Variants in C2orf76 observed in about 807,000 individuals in gnomAD.
C2orf76 encodes chromosome 2 open reading frame 76.
A neutral mutation model predicts 16.9 loss-of-function variants in C2orf76; 23 were observed. The ratio of observed to expected loss-of-function variants is 1.36; its 90% CI spans 0.98 to 1.93. The LOEUF (loss-of-function observed/expected upper bound fraction) is 1.93. Ranked by LOEUF, C2orf76 falls within the 30% of genes most tolerant of loss-of-function variation. C2orf76 has a pLI of 0.00. For synonymous variants in C2orf76, 48 were observed against 52.3 expected, an observed-to-expected ratio of 0.92 and a Z score of 0.35; for missense variants, 152 against 152.6, an observed-to-expected ratio of 1.00 and a Z score of 0.02.
chr2:119,348,885 G>A (rs1680293338), intron 1 of C2orf76, among the ~76,000 whole-genome samples: 1 of 152,124 alleles, frequency 6.6e-6, no homozygotes. Context: ...TAGTTGCGGG[G>A]CTGAGGTGGG....
intron 2 of C2orf76, among the ~76,000 whole-genome samples, chr2:119,333,009 G>A (rs72829491): frequency 0.019 from 2,864 of 152,202 alleles, 36 homozygotes; most frequent in South Asian, 0.054. Context: ...CTGGGATTAC[G>A]GTGTGAGCCA....
intron 1 of C2orf76, among the ~76,000 whole-genome samples, chr2:119,361,212 T>C (rs1362625553): frequency 6.6e-6 from 1 of 152,262 alleles, no homozygotes; most frequent in Non-Finnish European, 1.5e-5. Context: ...CAAAATGGGT[T>C]TCGTGGGTTT....
chr2:119,358,393 A>G (rs1385690311), intron 1 of C2orf76, among the ~76,000 whole-genome samples: 2 of 152,072 alleles, frequency 1.3e-5, no homozygotes, highest in African/African-American at 4.8e-5. Context: ...CCTGACCAAC[A>G]TGGAGGAACC....
intron 5 of C2orf76, among the ~76,000 whole-genome samples, chr2:119,306,848 C>T (rs1053136594): frequency 2.0e-5 from 3 of 152,078 alleles, no homozygotes; most frequent in Non-Finnish European, 4.4e-5. Flanking sequence ...AGATAAAAAG[C>T]CAAAGGATGA....
chr2:119,287,388 CTCACCA>C, the C2orf76 span, among the ~76,000 whole-genome samples: 2 of 152,210 alleles, frequency 1.3e-5, no homozygotes, highest in Non-Finnish European at 2.9e-5. Flanking sequence ...TCCCCACCAG[CTCACCA>C]TCACAGGTTC....
downstream of C2orf76, among the ~76,000 whole-genome samples, chr2:119,301,879 A>C (rs1408222074): frequency 1.3e-5 from 2 of 152,052 alleles, no homozygotes; most frequent in Non-Finnish European, 2.9e-5. Context: ...AAAAGAAAAA[A>C]AAAAATCAGC....
At chr2:119,363,362 T>C (rs930818409) in intron 1 of C2orf76, among the ~76,000 whole-genome samples, 2 of 149,126 alleles carry the variant, frequency 1.3e-5, no homozygotes, top group Admixed American at 6.7e-5. Context: ...AGGCGGAGCT[T>C]GCAGTGAGCC....
intron 4 of C2orf76, among the ~76,000 whole-genome samples, chr2:119,312,207 T>C (rs1009516366): frequency 8.5e-5 from 13 of 152,156 alleles, no homozygotes; most frequent in African/African-American, 2.2e-4. Flanking sequence ...AGCTTCCAGC[T>C]CTGGCCAGTC....
chr2:119,316,832 C>T (rs1428201504), intron 4 of C2orf76, among the ~76,000 whole-genome samples: 1 of 152,144 alleles, frequency 6.6e-6, no homozygotes, highest in Non-Finnish European at 1.5e-5. Flanking sequence ...GATCACTCTG[C>T]TCTGTCTGTA....
chr2:119,281,521 A>AAG, the C2orf76 span, among the ~76,000 whole-genome samples: 8 of 150,342 alleles, frequency 5.3e-5, no homozygotes, highest in Non-Finnish European at 8.8e-5. Flanking sequence ...AGAAAATAAA[A>AAG]AGAGAGAGAG....
chr2:119,337,210 A>G (rs1679877252), intron 2 of C2orf76, among the ~76,000 whole-genome samples: 1 of 148,606 alleles, frequency 6.7e-6, no homozygotes, highest in African/African-American at 2.5e-5. Context: ...GTATGCCACC[A>G]TGCCCAGCTA....
intron 1 of C2orf76, among the ~76,000 whole-genome samples, chr2:119,345,119 C>T (rs1189003898): frequency 6.6e-6 from 1 of 152,050 alleles, no homozygotes; most frequent in Non-Finnish European, 1.5e-5. Context: ...TAAGCAAAGA[C>T]AAAGCAGCAA....
chr2:119,289,817 C>T, the C2orf76 span, among the ~76,000 whole-genome samples: 5,578 of 152,030 alleles, frequency 0.037, 305 homozygotes, highest in African/African-American at 0.13. Flanking sequence ...GTAGCCCCAA[C>T]TCAGCCCTCT....
chr2:119,300,480 A>G (rs1678600438), downstream of C2orf76, among the ~76,000 whole-genome samples: 1 of 152,168 alleles, frequency 6.6e-6, no homozygotes, highest in Non-Finnish European at 1.5e-5. Flanking sequence ...ACTCCTTAGC[A>G]TGACTTGTAA....
intron 2 of C2orf76, among the ~76,000 whole-genome samples, chr2:119,334,895 A>G (rs893519622): frequency 6.6e-6 from 1 of 152,170 alleles, no homozygotes; most frequent in African/African-American, 2.4e-5. Flanking sequence ...TGGCGAAAGG[A>G]CACAAAAGGA....
chr2:119,312,529 C>T (rs1394384734), intron 4 of C2orf76, among the ~76,000 whole-genome samples: 1 of 152,148 alleles, frequency 6.6e-6, no homozygotes, highest in Non-Finnish European at 1.5e-5. Context: ...GTATTACAGG[C>T]ATGAGCCACC....
At chr2:119,350,003 A>G (rs1680332514) in intron 1 of C2orf76, among the ~76,000 whole-genome samples, 1 of 147,606 alleles carries the variant, frequency 6.8e-6, no homozygotes, top group Non-Finnish European at 1.5e-5. Flanking sequence ...GGCTCAAGCA[A>G]TCCTCCTGCA....
chr2:119,326,538 G>A (rs1032297475), intron 2 of C2orf76, among the ~76,000 whole-genome samples: 2 of 151,938 alleles, frequency 1.3e-5, no homozygotes, highest in African/African-American at 4.8e-5. Flanking sequence ...GAGTTATGAC[G>A]ATTTTAGGTC....
At chr2:119,283,631 C>A in the C2orf76 span, among the ~76,000 whole-genome samples, 4 of 152,054 alleles carry the variant, frequency 2.6e-5, no homozygotes, top group Non-Finnish European at 5.9e-5. Flanking sequence ...CCCACCACCA[C>A]GCCCAGCTAA....
Sources: gnomAD v4.1 joint callset for allele counts (sites outside exome capture counted in the v4.1 genomes callset) on GRCh38, gnomAD v4.1.1 for gene constraint, MANE v1.5 for transcripts, NCBI Gene and HGNC (gene_info 2026-07-23, HGNC 2026-07-21) for gene names.